Variants in MSI2 observed in about 807,000 individuals in gnomAD.
MSI2 encodes RNA-binding protein Musashi homolog 2.
In MSI2, 17 loss-of-function variants were observed where a neutral mutation model predicts 45.6. The ratio of observed to expected loss-of-function variants is 0.37; its 90% CI spans 0.26 to 0.56. The LOEUF (loss-of-function observed/expected upper bound fraction) is 0.56. Among genes scored for constraint, MSI2 ranks in the 20% least tolerant of loss-of-function variants. The pLI, the probability that MSI2 is intolerant of heterozygous loss-of-function variation, is 0.77. For synonymous variants in MSI2, 156 were observed against 158.2 expected (o/e 0.99, Z 0.11); for missense variants, 293 against 444.2 (o/e 0.66, Z 3.06).
intron 5 of MSI2, among the ~76,000 whole-genome samples, chr17:57,371,635 TG>T (rs1259554388): frequency 6.6e-6 from 1 of 152,074 alleles, no homozygotes; most frequent in Non-Finnish European, 1.5e-5. Flanking sequence ...TTTTATGTTG[TG>T]GTTTTTATTG....
At chr17:57,393,668 G>A (rs558817251) in intron 5 of MSI2, among the ~76,000 whole-genome samples, 6 of 152,180 alleles carry the variant, frequency 3.9e-5, no homozygotes, top group Admixed American at 2.6e-4. Context: ...GTAACACTAT[G>A]TTTGTTTATT....
At chr17:57,638,059 A>G (rs1909971806) in intron 10 of MSI2, among the ~76,000 whole-genome samples, 1 of 152,246 alleles carries the variant, frequency 6.6e-6, no homozygotes, top group Non-Finnish European at 1.5e-5. Flanking sequence ...AAACAAAGCA[A>G]CAACGAAAAA....
At chr17:57,300,403 G>A (rs1174816419) in intron 5 of MSI2, among the ~76,000 whole-genome samples, 1 of 152,164 alleles carries the variant, frequency 6.6e-6, no homozygotes, top group Non-Finnish European at 1.5e-5. Context: ...CAAAAGTAAA[G>A]GTTTCCGTAG....
intron 6 of MSI2, among the ~76,000 whole-genome samples, chr17:57,444,145 C>A (rs975980354): frequency 1.3e-5 from 2 of 152,130 alleles, no homozygotes; most frequent in African/African-American, 4.8e-5. Flanking sequence ...TCAAGATTAC[C>A]AAGGCCTGAG....
intron 5 of MSI2, among the ~76,000 whole-genome samples, chr17:57,373,718 G>T (rs980320300): frequency 6.6e-6 from 1 of 152,156 alleles, no homozygotes; most frequent in Non-Finnish European, 1.5e-5. Context: ...AACCACAGCC[G>T]CACTGTCCCC....
intron 6 of MSI2, among the ~76,000 whole-genome samples, chr17:57,478,865 G>A (rs182679778): frequency 4.6e-5 from 7 of 152,328 alleles, no homozygotes; most frequent in Admixed American, 1.3e-4. Flanking sequence ...TAACCTGTGA[G>A]AGAGTCGCTA....
chr17:57,580,785 C>G (rs189614794), intron 7 of MSI2, among the ~76,000 whole-genome samples: 185 of 152,230 alleles, frequency 1.2e-3, no homozygotes, highest in African/African-American at 4.2e-3. Context: ...TTCCAAATCG[C>G]TCAGCTTTGG....
the MSI2 span, among the ~76,000 whole-genome samples, chr17:57,698,981 C>A: frequency 7.3e-6 from 1 of 136,772 alleles, no homozygotes; most frequent in Non-Finnish European, 1.5e-5. Context: ...CTGATTGGGC[C>A]ACTCTCAGAT....
chr17:57,398,108 G>A (rs1481755381), intron 5 of MSI2, among the ~76,000 whole-genome samples: 3 of 152,178 alleles, frequency 2.0e-5, no homozygotes, highest in African/African-American at 7.2e-5. Context: ...ATAAGGCAAC[G>A]GTGGAGGGTG....
Position 57,609,591 on chromosome 17 carries a change from G to A in MSI2, c.538-6379G>A, listed in dbSNP as rs889426337. Among the ~76,000 whole-genome samples, 9 of 152,246 alleles carry A rather than the reference G, an allele frequency of 5.9e-5. No homozygotes were observed. In the East Asian group the frequency reaches 7.7e-4, roughly 13 times the overall value. On this transcript the variant is annotated intron_variant, in intron 8 of 13. Transcript: ENST00000284073. Reference sequence around the variant, plus strand: ...ATTTCCCTCTGGGCCCCAAGGCCGCGTGCTGACTGGGTTCTTTTGTACAGA... The same window carrying A: ...ATTTCCCTCTGGGCCCCAAGGCCGCATGCTGACTGGGTTCTTTTGTACAGA...
At chr17:57,427,122 C>T (rs936155920) in intron 6 of MSI2, among the ~76,000 whole-genome samples, 1 of 152,174 alleles carries the variant, frequency 6.6e-6, no homozygotes, top group Non-Finnish European at 1.5e-5. Context: ...AGAGGCCAGG[C>T]GTGGTGGCTC....
chr17:57,624,547 C>T (rs879484464), intron 9 of MSI2, among the ~76,000 whole-genome samples: 3 of 152,096 alleles, frequency 2.0e-5, no homozygotes, highest in African/African-American at 2.4e-5. Context: ...AACATCCCAC[C>T]GGGCTCCTGC....
the MSI2 span, among the ~76,000 whole-genome samples, chr17:57,698,966 C>A: frequency 7.3e-6 from 1 of 136,522 alleles, no homozygotes; most frequent in South Asian, 2.5e-4. Context: ...CTTACCAATG[C>A]ACTTCTGATT....
chr17:57,459,503 G>A (rs997837947), intron 6 of MSI2, among the ~76,000 whole-genome samples: 7 of 152,176 alleles, frequency 4.6e-5, no homozygotes, highest in Admixed American at 2.0e-4. Flanking sequence ...TAAATGTCCC[G>A]AGGTTCCCAG....
rs143012937 is a variant in MSI2 at position 57,598,606 on chromosome 17, C to G, written c.537+1656C>G. Among the ~76,000 whole-genome samples, 302 of 152,164 alleles carry G rather than the reference C, an allele frequency of 2.0e-3. 1 individual carries two copies. Among genetic ancestry groups the G allele is most frequent in the Middle Eastern group, 0.01 (3 of 294 alleles). ...TCCCCTCATAGGCTTTCTCAGCTCC[C>G]CAGATGTCCGTGCAAGTTTACAGTT... On this transcript the variant is annotated intron_variant, in intron 8 of 13. Transcript: ENST00000284073.
At chr17:57,433,357 T>C (rs185493623) in intron 6 of MSI2, among the ~76,000 whole-genome samples, 1 of 152,118 alleles carries the variant, frequency 6.6e-6, no homozygotes, top group African/African-American at 2.4e-5. Flanking sequence ...TATAAGAAGA[T>C]CTGAAGTCGA....
chr17:57,517,957 T>C (rs1383283189), intron 6 of MSI2, among the ~76,000 whole-genome samples: 2 of 152,208 alleles, frequency 1.3e-5, no homozygotes, highest in Non-Finnish European at 2.9e-5. Context: ...TTTTCATCTG[T>C]GCTCTGCAAC....
At chr17:57,367,101 C>A (rs1917251386) in intron 5 of MSI2, among the ~76,000 whole-genome samples, 1 of 152,190 alleles carries the variant, frequency 6.6e-6, no homozygotes, top group South Asian at 2.1e-4. Context: ...CTAAATTAGA[C>A]TTGCAAACAC....
intron 6 of MSI2, among the ~76,000 whole-genome samples, chr17:57,403,797 G>T (rs1050511257): frequency 6.6e-6 from 1 of 152,152 alleles, no homozygotes; most frequent in African/African-American, 2.4e-5. Flanking sequence ...CAAAGTCAGG[G>T]AGACTCTGCT....
Sources: gnomAD v4.1 joint callset for allele counts (sites outside exome capture counted in the v4.1 genomes callset) on GRCh38, gnomAD v4.1.1 for gene constraint, MANE v1.5 for transcripts, NCBI Gene and HGNC (gene_info 2026-07-23, HGNC 2026-07-21) for gene names.